Variants in RBMS3 observed in about 807,000 individuals in gnomAD.
The protein encoded by RBMS3 is RNA-binding motif, single-stranded-interacting protein 3.
A neutral mutation model predicts 66.8 loss-of-function variants in RBMS3; 27 were observed. The observed-to-expected ratio is 0.40, with a 90% CI of 0.30 to 0.56. The LOEUF is 0.56. RBMS3 is among the 20% of genes least tolerant of loss of function. The pLI is 0.40. For synonymous variants in RBMS3, 188 were observed against 183.0 expected (o/e 1.03, Z -0.22); for missense variants, 513 against 549.5 (o/e 0.93, Z 0.66).
At chr3:29,574,881 C>A (rs1406748431) in intron 3 of RBMS3, among the ~76,000 whole-genome samples, 1 of 149,896 alleles carries the variant, frequency 6.7e-6, no homozygotes, top group Non-Finnish European at 1.5e-5. Context: ...TAATAAAAAC[C>A]CTACACTTTA....
chr3:29,851,017 A>G (rs1013560513), intron 6 of RBMS3, among the ~76,000 whole-genome samples: 9 of 152,292 alleles, frequency 5.9e-5, no homozygotes, highest in African/African-American at 2.2e-4. Flanking sequence ...TCATATTTCC[A>G]AAGATTGCTC....
chr3:29,462,640 C>A (rs1381449998), intron 2 of RBMS3, among the ~76,000 whole-genome samples: 1 of 152,132 alleles, frequency 6.6e-6, no homozygotes, highest in Non-Finnish European at 1.5e-5. Flanking sequence ...ACTTACTTTA[C>A]CCCTGTTTCT....
intron 6 of RBMS3, among the ~76,000 whole-genome samples, chr3:29,841,369 A>C (rs1028914787): frequency 6.6e-6 from 1 of 152,004 alleles, no homozygotes. Context: ...CCTCTTTTCT[A>C]CGTTTTTTAT....
chr3:29,648,573 A>G (rs1033974438), intron 4 of RBMS3, among the ~76,000 whole-genome samples: 1 of 152,060 alleles, frequency 6.6e-6, no homozygotes, highest in Non-Finnish European at 1.5e-5. Flanking sequence ...ACAACTGGCT[A>G]GGGGAAATGA....
chr3:29,577,031 C>A (rs182686312), intron 3 of RBMS3, among the ~76,000 whole-genome samples: 1 of 152,210 alleles, frequency 6.6e-6, no homozygotes, highest in Admixed American at 6.5e-5. Context: ...CTTTTCCTTC[C>A]TCTACATCTC....
rs2060192015 is a variant in RBMS3 at position 29,899,022 on chromosome 3, A to G, written c.889-683A>G. On this transcript the variant is annotated intron_variant, in intron 9 of 14. Transcript: ENST00000383767. ...TTTTGGCAATTCTGTGTGTGTGAGT[A>G]TATAAAAAAAATCTTCTGAGTTCTC... Among the ~76,000 whole-genome samples, 6 of 151,708 alleles carry G rather than the reference A, an allele frequency of 4.0e-5. No individual in the cohort carries two copies. The South Asian group carries it at 1.2e-3, about 32-fold the overall frequency.
At chr3:29,988,768 G>A (rs937274061) in intron 13 of RBMS3, among the ~76,000 whole-genome samples, 6 of 151,840 alleles carry the variant, frequency 4.0e-5, no homozygotes, top group Non-Finnish European at 5.9e-5. Context: ...CTGTCAGAAG[G>A]AAGATCAGAA....
chr3:29,461,959 G>GTTTTT (rs2042386706), intron 2 of RBMS3, among the ~76,000 whole-genome samples: 1 of 90,996 alleles, frequency 1.1e-5, no homozygotes, highest in African/African-American at 4.1e-5. Context: ...TGTATTTTTA[G>GTTTTT]TACAGATGAG....
chr3:29,668,554 T>A (rs968531144), intron 4 of RBMS3, among the ~76,000 whole-genome samples: 3 of 152,146 alleles, frequency 2.0e-5, no homozygotes, highest in East Asian at 3.9e-4. Flanking sequence ...TCTTTCAGTA[T>A]CCCACTAGTA....
intron 1 of RBMS3, among the ~76,000 whole-genome samples, chr3:29,341,961 C>T (rs1022404818): frequency 2.0e-5 from 3 of 152,072 alleles, no homozygotes; most frequent in Non-Finnish European, 4.4e-5. Context: ...CATATTCTCT[C>T]GAATGTGCAA....
chr3:29,919,670 C>G (rs2060719539), intron 10 of RBMS3, among the ~76,000 whole-genome samples: 1 of 152,066 alleles, frequency 6.6e-6, no homozygotes, highest in South Asian at 2.1e-4. Context: ...ACTTGGGATG[C>G]CTTCATGGTG....
intron 1 of RBMS3, among the ~76,000 whole-genome samples, chr3:29,413,328 C>T (rs532981929): frequency 5.1e-4 from 77 of 152,188 alleles, no homozygotes; most frequent in African/African-American, 1.9e-3. Context: ...GAGATCGTGC[C>T]ACTGCACTCC....
chr3:29,634,146 G>A lies in RBMS3; in HGVS notation c.399+46941G>A, dbSNP rs184034532. Among the ~76,000 whole-genome samples, 93 of 152,012 alleles carry A rather than the reference G, an allele frequency of 6.1e-4. No individual in the cohort carries two copies. The Middle Eastern group carries it at 0.01, about 17-fold the overall frequency. On this transcript the variant is annotated intron_variant, in intron 4 of 14. Coordinates refer to ENST00000383767, the MANE Select transcript of RBMS3 (RefSeq NM_001003793.3). ...CTATGCATTGTGGGTATCCAAAAGA[G>A]GGAGAAAGATACATTCATTCCTTGA...
At chr3:29,930,778 T>C (rs890645975) in intron 10 of RBMS3, among the ~76,000 whole-genome samples, 4 of 151,930 alleles carry the variant, frequency 2.6e-5, no homozygotes, top group Non-Finnish European at 5.9e-5. Context: ...CAAACTTTTT[T>C]CATCAAGCAA....
At chr3:29,477,608 T>C (rs1575944703) in intron 2 of RBMS3, among the ~76,000 whole-genome samples, 1 of 152,064 alleles carries the variant, frequency 6.6e-6, no homozygotes, top group East Asian at 1.9e-4. Flanking sequence ...ATGATCCAAT[T>C]GCCATCTCTA....
intron 2 of RBMS3, among the ~76,000 whole-genome samples, chr3:29,450,929 ACACC>A (rs71628523): frequency 0.36 from 43,892 of 122,432 alleles, 7,265 homozygotes; most frequent in Non-Finnish European, 0.43. Context: ...ACACACACAC[ACACC>A]CCCCACACAC....
intron 6 of RBMS3, among the ~76,000 whole-genome samples, chr3:29,803,097 CCTT>C (rs374278355): frequency 6.6e-6 from 1 of 152,090 alleles, no homozygotes; most frequent in African/African-American, 2.4e-5. Flanking sequence ...AGAGTAATGT[CCTT>C]CTTGGGCAAA....
chr3:29,535,231 T>A (rs1280234916), intron 3 of RBMS3, among the ~76,000 whole-genome samples: 1 of 152,110 alleles, frequency 6.6e-6, no homozygotes, highest in Non-Finnish European at 1.5e-5. Context: ...ATAGCAAAAA[T>A]ATTTGTGTGC....
At position 29,435,766 on chromosome 3, in the gene RBMS3, G is replaced by A. The variant is rs976739645; in HGVS notation, c.248+851G>A. Among the ~76,000 whole-genome samples, 24 of 152,090 alleles carry A rather than the reference G, an allele frequency of 1.6e-4. No homozygotes were observed. In the East Asian group the frequency reaches 4.1e-3, roughly 26 times the overall value. On this transcript the variant is annotated intron_variant, in intron 2 of 14. Coordinates refer to ENST00000383767, the MANE Select transcript of RBMS3 (RefSeq NM_001003793.3). ...CTGACTAACACGGTCTGGCTAACAC[G>A]GTGAAACCCCATCCTGGCTAACACG...
Sources: allele counts gnomAD v4.1 joint callset (sites outside exome capture counted in the v4.1 genomes callset), GRCh38; gene constraint gnomAD v4.1.1; transcripts MANE v1.5; gene names NCBI Gene and HGNC (gene_info 2026-07-23, HGNC 2026-07-21).